Variants in RBFOX1 observed in about 807,000 individuals in gnomAD.
RBFOX1 encodes RNA binding protein fox-1 homolog 1.
A neutral mutation model predicts 57.7 loss-of-function variants in RBFOX1; 8 were observed. That is an observed-to-expected ratio of 0.14 (90% CI 0.08 to 0.25). The LOEUF is 0.25. Ranked by LOEUF, RBFOX1 falls within the 10% of genes least tolerant of loss-of-function variation. The pLI, the probability that RBFOX1 is intolerant of heterozygous loss-of-function variation, is 1.00. For synonymous variants in RBFOX1, 326 were observed against 222.4 expected, an observed-to-expected ratio of 1.47 and a Z score of -4.15; for missense variants, 611 against 548.5, an observed-to-expected ratio of 1.11 and a Z score of -1.14.
At position 5,865,045 on chromosome 16, in the gene RBFOX1, G is replaced by A. The variant is rs74004656; in HGVS notation, c.319-2258G>A. 8.2e-3 allele frequency among the ~76,000 whole-genome samples: 1,252 copies of A among 152,264 alleles called. 21 individuals carry two copies. The highest frequency in any genetic ancestry group is 0.029 in the African/African-American group (1,209 of 41,536). Reference sequence around the variant, plus strand: ...CTTCCACCTAATGGGGGGAATAAGAGGGGCTTGATGATGTAAATGACACAA... The same window carrying A: ...CTTCCACCTAATGGGGGGAATAAGAAGGGCTTGATGATGTAAATGACACAA... On this transcript the variant is annotated intron_variant, in intron 3 of 19. Coordinates refer to the RBFOX1 transcript ENST00000641259.
chr16:7,693,234 A>AT, intron 14 of RBFOX1: 1 of 1,191,690 alleles, frequency 8.4e-7, no homozygotes, highest in South Asian at 1.2e-5. Flanking sequence ...CCCTCCCCTC[A>AT]TCTGTACACA....
chr16:7,244,537 C>G (rs779842169), intron 4 of RBFOX1, among the ~76,000 whole-genome samples: 6 of 152,148 alleles, frequency 3.9e-5, no homozygotes, highest in South Asian at 2.1e-4. Flanking sequence ...AGAGTCAGAG[C>G]CAGCGGTGGC....
rs36218292 is a variant in RBFOX1 at position 6,028,509 on chromosome 16, TAAAAAAAAA to T, written c.-127+8534_-127+8542del. On this transcript the variant is annotated intron_variant, in intron 1 of 15. Transcript: ENST00000550418. Reference sequence around the variant, plus strand: ...CAACATAATGAGACCCTGTCTCTGTTAAAAAAAAAAAAAAAAAAAAAAAAATTAGCTGGG... The same window carrying T: ...CAACATAATGAGACCCTGTCTCTGTTAAAAAAAAAAAAAAAATTAGCTGGG... 3.3e-4 allele frequency among the ~76,000 whole-genome samples: 34 copies of T among 104,518 alleles called. No individual in the cohort carries two copies. The East Asian group carries it at 4.6e-3, about 14-fold the overall frequency. 68.6% of individuals were successfully genotyped at this position (104,518 alleles called of 152,430 possible).
At chr16:6,590,257 C>G (rs570754418) in intron 2 of RBFOX1, among the ~76,000 whole-genome samples, 9 of 152,272 alleles carry the variant, frequency 5.9e-5, no homozygotes, top group African/African-American at 2.2e-4. Flanking sequence ...TCATGATCCT[C>G]AGAAATTGTA....
intron 2 of RBFOX1, among the ~76,000 whole-genome samples, chr16:6,509,866 C>T (rs777360379): frequency 1.3e-5 from 2 of 152,112 alleles, no homozygotes; most frequent in Non-Finnish European, 2.9e-5. Flanking sequence ...ATAGAAAAAA[C>T]TGTAGGAGAA....
Position 7,586,900 on chromosome 16 carries a change from G to A in RBFOX1, c.415-347G>A, listed in dbSNP as rs907815673. 3.9e-4 allele frequency among the ~76,000 whole-genome samples: 59 copies of A among 152,196 alleles called. 1 individual carries two copies. Among genetic ancestry groups the A allele is most frequent in the African/African-American group, 1.4e-3 (58 of 41,444 alleles). On this transcript the variant is annotated intron_variant, in intron 6 of 15. Coordinates refer to ENST00000550418, the MANE Select transcript of RBFOX1 (RefSeq NM_018723.4). ...TTTCATCAAGGGTGTTTCTCCCAGT[G>A]TTTAGTGGGATAGACCAGAAGGATC...
intron 3 of RBFOX1, among the ~76,000 whole-genome samples, chr16:6,937,141 T>A (rs1181901200): frequency 6.6e-6 from 1 of 152,194 alleles, no homozygotes; most frequent in Non-Finnish European, 1.5e-5. Context: ...ATTTTACCTT[T>A]AAAATGTTAT....
At chr16:7,442,854 G>C (rs1484339882) in intron 4 of RBFOX1, among the ~76,000 whole-genome samples, 1 of 151,590 alleles carries the variant, frequency 6.6e-6, no homozygotes, top group Non-Finnish European at 1.5e-5. Context: ...TTCAGGACCT[G>C]GCCTATGGCC....
At chr16:7,628,414 C>G (rs1456961890) in intron 10 of RBFOX1, among the ~76,000 whole-genome samples, 1 of 152,166 alleles carries the variant, frequency 6.6e-6, no homozygotes, top group African/African-American at 2.4e-5. Context: ...CACAGGAGTA[C>G]TCATTGATAA....
chr16:5,982,311 T>C (rs2060190329), intron 4 of RBFOX1, among the ~76,000 whole-genome samples: 1 of 151,996 alleles, frequency 6.6e-6, no homozygotes, highest in Non-Finnish European at 1.5e-5. Flanking sequence ...TCTCGCTCTG[T>C]TGCACAGGCT....
At chr16:7,202,124 A>G (rs1280760676) in intron 4 of RBFOX1, among the ~76,000 whole-genome samples, 1 of 151,448 alleles carries the variant, frequency 6.6e-6, no homozygotes, top group South Asian at 2.1e-4. Flanking sequence ...CCACAGCAAT[A>G]TAAACAACTT....
At chr16:7,187,051 C>T (rs2084032799) in intron 4 of RBFOX1, among the ~76,000 whole-genome samples, 1 of 150,106 alleles carries the variant, frequency 6.7e-6, no homozygotes, top group Non-Finnish European at 1.5e-5. Context: ...TGATGTGGTC[C>T]CAGCTACTTG....
chr16:6,816,050 C>A (rs781039324), intron 3 of RBFOX1, among the ~76,000 whole-genome samples: 1 of 152,110 alleles, frequency 6.6e-6, no homozygotes, highest in Non-Finnish European at 1.5e-5. Context: ...ATGGCTCATG[C>A]GTGTCCCAGC....
At chr16:7,194,303 A>G (rs781306053) in intron 4 of RBFOX1, among the ~76,000 whole-genome samples, 4 of 152,218 alleles carry the variant, frequency 2.6e-5, no homozygotes, top group Non-Finnish European at 4.4e-5. Context: ...ATTCAGAATA[A>G]GTGATATTGT....
At chr16:6,917,686 G>T (rs1163244865) in intron 3 of RBFOX1, among the ~76,000 whole-genome samples, 2 of 152,194 alleles carry the variant, frequency 1.3e-5, no homozygotes, top group Non-Finnish European at 2.9e-5. Context: ...TCTGTGTGCT[G>T]TGTGATGAGT....
intron 2 of RBFOX1, among the ~76,000 whole-genome samples, chr16:6,479,265 G>A (rs949818591): frequency 6.6e-5 from 10 of 152,162 alleles, no homozygotes; most frequent in African/African-American, 2.4e-4. Context: ...GGCGGAAGAG[G>A]AAGTAGACAC....
At chr16:6,009,553 C>T (rs1043402198) in intron 4 of RBFOX1, among the ~76,000 whole-genome samples, 3 of 152,242 alleles carry the variant, frequency 2.0e-5, no homozygotes, top group Admixed American at 6.5e-5. Flanking sequence ...ATTTATGGTG[C>T]ATAATCAGTG....
chr16:7,419,253 G>T (rs2098515749), intron 4 of RBFOX1, among the ~76,000 whole-genome samples: 2 of 151,972 alleles, frequency 1.3e-5, no homozygotes, highest in Non-Finnish European at 2.9e-5. Flanking sequence ...TAGTCTTGTT[G>T]GTTGCTGCCT....
At position 5,856,575 on chromosome 16, in the gene RBFOX1, G is replaced by GTATATATATATATATATATATATA. The variant is rs375112636; in HGVS notation, c.319-10721_319-10698dup. 7.6e-4 allele frequency among the ~76,000 whole-genome samples: 25 copies of GTATATATATATATATATATATATA among 32,894 alleles called. 1 individual carries two copies. The highest frequency in any genetic ancestry group is 1.9e-3 in the African/African-American group (15 of 7,952). The allele number at this position is 32,894 out of a possible 152,430, so 21.6% of individuals were successfully genotyped here. A position where few individuals can be genotyped will look rare whatever the true frequency, so the allele number is the denominator to read the frequency against. On this transcript the variant is annotated intron_variant, in intron 3 of 19. Coordinates refer to the RBFOX1 transcript ENST00000641259. The stretch of plus-strand genomic sequence containing the variant: ...TGTGTGTGTGTGTATGTGTGTGTGT[G>GTATATATATATATATATATATATA]TATATATATATATATATATATATAT...
Sources: gnomAD v4.1 joint callset for allele counts (sites outside exome capture counted in the v4.1 genomes callset) on GRCh38, gnomAD v4.1.1 for gene constraint, MANE v1.5 for transcripts, NCBI Gene and HGNC (gene_info 2026-07-23, HGNC 2026-07-21) for gene names.